KCNJ6: variants seen among roughly 807,000 people sequenced by gnomAD.
The protein encoded by KCNJ6 is potassium inwardly rectifying channel subfamily J member 6.
KCNJ6 carries 9 observed loss-of-function variants against 34.2 expected under a neutral mutation model. The observed-to-expected ratio is 0.26, with a 90% CI of 0.16 to 0.46. The LOEUF is 0.46. Ranked by LOEUF, KCNJ6 falls within the 20% of genes least tolerant of loss-of-function variation. KCNJ6 has a pLI of 1.00. For synonymous variants in KCNJ6, 196 were observed against 207.1 expected (o/e 0.95, Z 0.46); for missense variants, 236 against 531.3 (o/e 0.44, Z 5.46).
intron 2 of KCNJ6, among the ~76,000 whole-genome samples, chr21:37,817,907 T>C (rs892197164): frequency 2.0e-5 from 3 of 152,322 alleles, no homozygotes; most frequent in Middle Eastern, 3.4e-3. Context: ...CTGAATATCA[T>C]TAACAGTTTT....
At chr21:37,636,833 CT>C (rs2054360122) in intron 3 of KCNJ6, among the ~76,000 whole-genome samples, 1 of 152,150 alleles carries the variant, frequency 6.6e-6, no homozygotes, top group Admixed American at 6.5e-5. Context: ...AGAGAACCCC[CT>C]GGACAAAGCC....
intron 2 of KCNJ6, among the ~76,000 whole-genome samples, chr21:37,825,049 T>C (rs2055392386): frequency 6.6e-6 from 1 of 152,126 alleles, no homozygotes; most frequent in Non-Finnish European, 1.5e-5. Context: ...GTCAAATCTC[T>C]CTCTGCTTCC....
Position 37,859,853 on chromosome 21 carries a change from T to C in KCNJ6, c.-27-19144A>G, listed in dbSNP as rs2055586099. On this transcript the variant is annotated intron_variant, in intron 1 of 3. Coordinates refer to ENST00000609713, the MANE Select transcript of KCNJ6 (RefSeq NM_002240.5). ...GTCTTCTAAGCTACCACTGATACTT[T>C]TGTCTTCATGCTAGAATGCCTGCAT... Among the ~76,000 whole-genome samples the C allele has an allele frequency of 5.3e-5, 8 of 152,320 alleles. 1 individual carries two copies. In the South Asian group the frequency reaches 1.4e-3, roughly 28 times the overall value.
In KCNJ6 at chr21:37,622,223, A is replaced by G. The variant is rs1483411554; in HGVS notation, c.*2936T>C. 1 of 152,222 alleles carries G rather than the reference A, an allele frequency of 6.6e-6. No individual in the cohort carries two copies. The highest frequency in any genetic ancestry group is 1.5e-5 in the Non-Finnish European group (1 of 68,046). The allele number at this position is 152,222 out of a possible 1,614,324, so 9.4% of individuals were successfully genotyped here. On this transcript the variant is annotated 3_prime_UTR_variant, in exon 4 of 4. Coordinates refer to ENST00000609713, the MANE Select transcript of KCNJ6 (RefSeq NM_002240.5). ...AAGGATCTAGTTGAGAGTGATCTTC[A>G]TTAGTTATGGATACTGTTGTATTAA...
At chr21:37,708,559 G>T (rs528266554) in intron 3 of KCNJ6, among the ~76,000 whole-genome samples, 1 of 4,664 alleles carries the variant, frequency 2.1e-4, no homozygotes, top group Non-Finnish European at 3.8e-4. Context: ...TTTTGACCTA[G>T]GAAAAACATA....
chr21:37,668,907 G>A (rs750318551), intron 3 of KCNJ6, among the ~76,000 whole-genome samples: 6 of 152,116 alleles, frequency 3.9e-5, no homozygotes, highest in Non-Finnish European at 5.9e-5. Context: ...GCTGGCTTTC[G>A]TGATGCAAAA....
At chr21:37,865,864 G>A (rs967837231) in intron 1 of KCNJ6, among the ~76,000 whole-genome samples, 1 of 152,190 alleles carries the variant, frequency 6.6e-6, no homozygotes, top group Non-Finnish European at 1.5e-5. Flanking sequence ...GACATTTACA[G>A]AACATCTCAC....
intron 1 of KCNJ6, among the ~76,000 whole-genome samples, chr21:37,915,242 A>G (rs981550055): frequency 6.6e-6 from 1 of 152,208 alleles, no homozygotes; most frequent in African/African-American, 2.4e-5. Context: ...ATCTCATTTT[A>G]TCTAAAGTGT....
chr21:37,613,190 G>A lies in KCNJ6; in HGVS notation c.*11969C>T, dbSNP rs1288652182. 3 of 152,178 alleles carry A rather than the reference G, an allele frequency of 2.0e-5. No individual in the cohort carries two copies. The highest frequency in any genetic ancestry group is 4.8e-5 in the African/African-American group (2 of 41,436). The allele number at this position is 152,178 out of a possible 1,614,324, so 9.4% of individuals were successfully genotyped here. On this transcript the variant is annotated 3_prime_UTR_variant, in exon 4 of 4. Coordinates refer to ENST00000609713, the MANE Select transcript of KCNJ6 (RefSeq NM_002240.5). The stretch of plus-strand genomic sequence containing the variant: ...ATGGAAAACAAGCATATAAAAATAT[G>A]TCCCAAATCATGTCATTAGGGAATT...
intron 2 of KCNJ6, among the ~76,000 whole-genome samples, chr21:37,800,242 C>G (rs1037793042): frequency 1.3e-5 from 2 of 152,124 alleles, no homozygotes; most frequent in African/African-American, 4.8e-5. Flanking sequence ...ACCAAGTTGC[C>G]CACTGAGTCC....
chr21:37,721,146 AT>A (rs1484859400), intron 2 of KCNJ6, among the ~76,000 whole-genome samples: 1 of 152,268 alleles, frequency 6.6e-6, no homozygotes, highest in Non-Finnish European at 1.5e-5. Flanking sequence ...CAAAGAAGAT[AT>A]CCAAATGGCC....
intron 1 of KCNJ6, among the ~76,000 whole-genome samples, chr21:37,873,451 G>A (rs2055662390): frequency 6.6e-6 from 1 of 152,162 alleles, no homozygotes; most frequent in Admixed American, 6.5e-5. Flanking sequence ...ATTGAGGCCA[G>A]GCAGACTAGT....
intron 2 of KCNJ6, among the ~76,000 whole-genome samples, chr21:37,753,326 G>A (rs2055006170): frequency 6.6e-6 from 1 of 152,152 alleles, no homozygotes; most frequent in Non-Finnish European, 1.5e-5. Flanking sequence ...GTCCCCTAGT[G>A]CCCTGGGATC....
chr21:37,892,739 C>T (rs1312350411), intron 1 of KCNJ6, among the ~76,000 whole-genome samples: 1 of 152,094 alleles, frequency 6.6e-6, no homozygotes, highest in African/African-American at 2.4e-5. Context: ...CCACTGTTGA[C>T]CCTGGCAATG....
chr21:37,910,840 G>A (rs1265792010), intron 1 of KCNJ6, among the ~76,000 whole-genome samples: 1 of 152,214 alleles, frequency 6.6e-6, no homozygotes, highest in Non-Finnish European at 1.5e-5. Flanking sequence ...TGGGAAAATT[G>A]ATTGATGGCC....
chr21:37,838,718 C>G (rs1407840614), intron 2 of KCNJ6, among the ~76,000 whole-genome samples: 3 of 152,192 alleles, frequency 2.0e-5, no homozygotes, highest in Non-Finnish European at 4.4e-5. Flanking sequence ...CTGAGAAGAG[C>G]ACATTTCATC....
At chr21:37,722,259 C>T (rs1198982351) in intron 2 of KCNJ6, among the ~76,000 whole-genome samples, 2 of 152,080 alleles carry the variant, frequency 1.3e-5, no homozygotes, top group Non-Finnish European at 2.9e-5. Flanking sequence ...ATGATCTCTA[C>T]AAGAACTACA....
intron 2 of KCNJ6, among the ~76,000 whole-genome samples, chr21:37,770,216 T>C (rs760795006): frequency 6.6e-6 from 1 of 152,258 alleles, no homozygotes; most frequent in Middle Eastern, 3.4e-3. Context: ...GGGCCTCTCT[T>C]GGGACAGCTG....
chr21:37,842,693 G>A (rs760163159), intron 1 of KCNJ6, among the ~76,000 whole-genome samples: 9 of 151,860 alleles, frequency 5.9e-5, no homozygotes, highest in Non-Finnish European at 1.0e-4. Context: ...TAAGTGTCAC[G>A]TCACAGAGCT....
Sources: gnomAD v4.1 joint callset for allele counts (sites outside exome capture counted in the v4.1 genomes callset) on GRCh38, gnomAD v4.1.1 for gene constraint, MANE v1.5 for transcripts, NCBI Gene and HGNC (gene_info 2026-07-23, HGNC 2026-07-21) for gene names.